Variants in USP13 observed in about 807,000 individuals in gnomAD.
USP13 encodes ubiquitin specific peptidase 13.
Under a neutral mutation model 107.8 loss-of-function variants are expected in USP13, and 68 were observed. The observed-to-expected ratio is 0.63, with a 90% CI of 0.52 to 0.77. The LOEUF (loss-of-function observed/expected upper bound fraction) is 0.77, where lower values mean the gene tolerates loss of function less well. USP13 is among the 30% of genes least tolerant of loss of function. The pLI, the probability that USP13 is intolerant of heterozygous loss-of-function variation, is 0.00. For synonymous variants in USP13, 377 were observed against 389.5 expected (o/e 0.97, Z 0.38); for missense variants, 945 against 1,093.3 (o/e 0.86, Z 1.91).
intron 4 of USP13, among the ~76,000 whole-genome samples, chr3:179,702,884 A>G (rs1308574968): frequency 2.6e-5 from 4 of 152,230 alleles, no homozygotes; most frequent in South Asian, 2.1e-4. Context: ...CTTGTTTAAT[A>G]TAACTCTTAT....
At chr3:179,759,231 T>G (rs1444837304) in intron 16 of USP13, among the ~76,000 whole-genome samples, 2 of 152,114 alleles carry the variant, frequency 1.3e-5, no homozygotes, top group Non-Finnish European at 2.9e-5. Context: ...TCTGCCCGCC[T>G]TGGCCTCCCA....
intron 1 of USP13, among the ~76,000 whole-genome samples, chr3:179,654,324 G>A (rs1337629563): frequency 1.3e-5 from 2 of 151,902 alleles, no homozygotes; most frequent in Non-Finnish European, 2.9e-5. Context: ...TCCCCACCTT[G>A]CCCTTCTAAA....
intron 3 of USP13, among the ~76,000 whole-genome samples, chr3:179,693,798 C>T (rs568893963): frequency 5.7e-4 from 87 of 152,150 alleles, no homozygotes; most frequent in Non-Finnish European, 7.1e-4. Context: ...CTCAGCCTCC[C>T]GAGTAGCTGG....
intron 2 of USP13, among the ~76,000 whole-genome samples, chr3:179,683,058 G>T (rs1229612790): frequency 1.9e-4 from 27 of 142,834 alleles, no homozygotes; most frequent in East Asian, 8.1e-4. Flanking sequence ...TTCTATTCTG[G>T]TTTTTTTTTT....
chr3:179,733,006 A>G (rs986573569), intron 10 of USP13, among the ~76,000 whole-genome samples: 1 of 152,168 alleles, frequency 6.6e-6, no homozygotes, highest in Non-Finnish European at 1.5e-5. Context: ...TCTCTTAACC[A>G]TTCAGAACGT....
intron 8 of USP13, among the ~76,000 whole-genome samples, chr3:179,728,441 G>A (rs950514087): frequency 1.3e-5 from 2 of 148,376 alleles, no homozygotes; most frequent in African/African-American, 5.0e-5. Flanking sequence ...GGGAAGAGGC[G>A]CTCCTCACTT....
At chr3:179,765,981 T>TC in intron 19 of USP13, 133 bp downstream of exon 19, 1 of 1,086,724 alleles carries the variant, frequency 9.2e-7, no homozygotes, top group East Asian at 2.8e-5. Context: ...TTCTTCGTTT[T>TC]TTTTTTTTTT....
At chr3:179,749,439 G>C (rs1714519499) in intron 13 of USP13, among the ~76,000 whole-genome samples, 1 of 152,016 alleles carries the variant, frequency 6.6e-6, no homozygotes, top group Non-Finnish European at 1.5e-5. Context: ...TTTAATTCCA[G>C]AAATTAATTT....
At chr3:179,712,444 C>CT (rs148139112) in intron 6 of USP13, among the ~76,000 whole-genome samples, 6 of 151,884 alleles carry the variant, frequency 4.0e-5, no homozygotes, top group East Asian at 1.9e-4. Flanking sequence ...AGTCTTTTCT[C>CT]TTTTTTTTAA....
chr3:179,758,738 TCCACCCGCCTCGGCCTC>T (rs1714897054), intron 16 of USP13, among the ~76,000 whole-genome samples: 1 of 152,110 alleles, frequency 6.6e-6, no homozygotes, highest in African/African-American at 2.4e-5. Flanking sequence ...GACCTCGTGA[TCCACCCGCCTCGGCCTC>T]CCAACGTGCT....
chr3:179,749,612 C>T (rs1033040362), intron 13 of USP13, among the ~76,000 whole-genome samples: 1 of 151,988 alleles, frequency 6.6e-6, no homozygotes, highest in Non-Finnish European at 1.5e-5. Context: ...AACTTGAGAC[C>T]CTATAGAGAT....
In USP13 at chr3:179,765,841, A is replaced by G. The variant is rs1168836542; in HGVS notation, c.2406A>G (p.Gly802=). Residue 802 remains glycine (G), a synonymous_variant, in exon 19 of 21, where the codon GGA becomes GGG. Transcript: ENST00000263966. ...CCGAAGGACCTAGAGTCAAGGATGG[A>G]TCTGGAAGTAAGTTCTTGCCTTAGA... ...AKPEGPRVKD[G]SGTYELFAFI... 1.9e-6 allele frequency: 3 copies of G among 1,614,062 alleles called. No homozygotes were observed. Among genetic ancestry groups the G allele is most frequent in the Non-Finnish European group, 2.5e-6 (3 of 1,179,952 alleles).
At chr3:179,682,128 CAA>C in intron 2 of USP13, 125 bp downstream of exon 2, 1 of 1,258,710 alleles carries the variant, frequency 7.9e-7, no homozygotes, top group African/African-American at 1.5e-5. Flanking sequence ...CGATGAGAAA[CAA>C]AAACAGCACT....
intron 3 of USP13, among the ~76,000 whole-genome samples, chr3:179,692,882 G>A (rs1576929514): frequency 6.6e-6 from 1 of 152,130 alleles, no homozygotes; most frequent in East Asian, 1.9e-4. Context: ...GCTTCAAACT[G>A]TGTGGACCCC....
At chr3:179,684,783 T>C (rs1711809701) in intron 2 of USP13, among the ~76,000 whole-genome samples, 1 of 152,136 alleles carries the variant, frequency 6.6e-6, no homozygotes, top group African/African-American at 2.4e-5. Flanking sequence ...TTCTTTCTTT[T>C]TTTTTTTCTG....
intron 19 of USP13, among the ~76,000 whole-genome samples, chr3:179,767,427 G>GT (rs1491164607): frequency 0.01 from 1,516 of 147,462 alleles, 35 homozygotes; most frequent in African/African-American, 0.037. Flanking sequence ...AGTTTTTTTT[G>GT]GTTTTTTTTT....
intron 12 of USP13, among the ~76,000 whole-genome samples, chr3:179,743,873 G>A (rs578086954): frequency 6.9e-6 from 1 of 145,080 alleles, no homozygotes; most frequent in African/African-American, 2.5e-5. Context: ...TCTAAGATGT[G>A]TTTAGGAAAA....
At chr3:179,714,873 T>TTC (rs1217338777) in intron 6 of USP13, among the ~76,000 whole-genome samples, 41 of 149,816 alleles carry the variant, frequency 2.7e-4, no homozygotes, top group African/African-American at 9.5e-4. Flanking sequence ...CCTTTTTCTT[T>TTC]TTTTTTTTTT....
chr3:179,743,871 G>C (rs1288377805), intron 12 of USP13, among the ~76,000 whole-genome samples: 1 of 148,508 alleles, frequency 6.7e-6, no homozygotes, highest in Non-Finnish European at 1.5e-5. Context: ...CATCTAAGAT[G>C]TGTTTAGGAA....
Sources: allele counts gnomAD v4.1 joint callset (sites outside exome capture counted in the v4.1 genomes callset), GRCh38; gene constraint gnomAD v4.1.1; transcripts MANE v1.5; gene names NCBI Gene and HGNC (gene_info 2026-07-23, HGNC 2026-07-21).